Variants in PDHX observed in about 807,000 individuals in gnomAD.
PDHX encodes the protein pyruvate dehydrogenase protein X component, mitochondrial.
In PDHX, 33 loss-of-function variants were observed where a neutral mutation model predicts 55.3. That is an observed-to-expected ratio of 0.60 (90% CI 0.45 to 0.80). PDHX has a LOEUF of 0.80. Ranked by LOEUF, PDHX falls within the 30% of genes least tolerant of loss-of-function variation. The pLI is 0.00. For synonymous variants in PDHX, 226 were observed against 219.4 expected (o/e 1.03, Z -0.27); for missense variants, 622 against 619.9 (o/e 1.00, Z -0.04).
intron 1 of PDHX, among the ~76,000 whole-genome samples, chr11:34,918,839 G>A (rs886891170): frequency 1.3e-5 from 2 of 152,180 alleles, no homozygotes; most frequent in Non-Finnish European, 2.9e-5. Flanking sequence ...AGGTTTCTAA[G>A]ATTCTTTGAC....
chr11:34,965,344 T>A (rs1280636608), intron 5 of PDHX, among the ~76,000 whole-genome samples: 1 of 152,176 alleles, frequency 6.6e-6, no homozygotes, highest in African/African-American at 2.4e-5. Flanking sequence ...ATGCGTGGTC[T>A]CCATAGGCGG....
Position 34,957,592 on chromosome 11 carries a change from A to G in PDHX, c.542+9A>G, listed in dbSNP as rs781753447. The G allele has an allele frequency of 1.9e-6, 3 of 1,601,702 alleles. No individual in the cohort carries two copies. Among genetic ancestry groups the G allele is most frequent in the Admixed American group, 1.7e-5 (1 of 59,952 alleles). On this transcript the variant is annotated intron_variant, in intron 4 of 10. Coordinates refer to ENST00000227868, the MANE Select transcript of PDHX (RefSeq NM_003477.3). Reference sequence around the variant, plus strand: ...ATACCCGGGACACTACGGTGAGTATATATTTATTCAAAGGATGATGTAAAA... The same window carrying G: ...ATACCCGGGACACTACGGTGAGTATGTATTTATTCAAAGGATGATGTAAAA...
intron 9 of PDHX, among the ~76,000 whole-genome samples, chr11:34,986,422 A>G (rs1342459403): frequency 6.6e-6 from 1 of 152,076 alleles, no homozygotes; most frequent in Non-Finnish European, 1.5e-5. Flanking sequence ...AAGGGTTTTC[A>G]GCGACAATGA....
intron 8 of PDHX, among the ~76,000 whole-genome samples, chr11:34,979,280 G>C (rs749320140): frequency 3.9e-5 from 6 of 152,180 alleles, no homozygotes; most frequent in Non-Finnish European, 7.4e-5. Context: ...GAGCCTAACA[G>C]ATATTCCAGT....
At chr11:34,983,493 T>G (rs1170605022) in intron 8 of PDHX, among the ~76,000 whole-genome samples, 5 of 152,232 alleles carry the variant, frequency 3.3e-5, no homozygotes, top group Non-Finnish European at 7.3e-5. Context: ...TGTCCCTGTT[T>G]GCAGATGACA....
At chr11:34,991,007 C>G (rs985363721) in intron 9 of PDHX, among the ~76,000 whole-genome samples, 2 of 151,976 alleles carry the variant, frequency 1.3e-5, no homozygotes, top group African/African-American at 4.8e-5. Flanking sequence ...TAAGTTAATT[C>G]GTTATTAATT....
At position 34,995,088 on chromosome 11, in the gene PDHX, C is replaced by T. The variant is rs1419924616; in HGVS notation, c.1422C>T (p.Asp474=). ...RQLITVTMSS[D]SRVVDDELAT... Reference sequence around the variant, plus strand: ...TCATAACAGTCACAATGTCAAGTGACAGTCGAGTGGTTGATGACGAACTGG... The same window carrying T: ...TCATAACAGTCACAATGTCAAGTGATAGTCGAGTGGTTGATGACGAACTGG... The change falls in exon 11 of 11, where the codon GAC becomes GAT. Residue 474 remains aspartate, a synonymous_variant. Transcript: ENST00000227868. 6.2e-7 allele frequency: 1 copy of T among 1,614,036 alleles called. No individual in the cohort carries two copies. Among genetic ancestry groups the T allele is most frequent in the South Asian group, 1.1e-5 (1 of 91,086 alleles).
At chr11:34,937,814 G>T (rs1219331789) in intron 2 of PDHX, among the ~76,000 whole-genome samples, 1 of 152,088 alleles carries the variant, frequency 6.6e-6, no homozygotes, top group African/African-American at 2.4e-5. Context: ...CGCCTCCCTG[G>T]GTTACCTGGT....
chr11:34,958,930 C>A (rs1396054727), intron 4 of PDHX, among the ~76,000 whole-genome samples: 1 of 151,992 alleles, frequency 6.6e-6, no homozygotes, highest in East Asian at 1.9e-4. Context: ...ATATAAAAAT[C>A]TAAAATTTCA....
chr11:34,960,107 A>T (rs1854992111), intron 4 of PDHX, among the ~76,000 whole-genome samples: 3 of 152,228 alleles, frequency 2.0e-5, no homozygotes, highest in Admixed American at 2.0e-4. Flanking sequence ...AAAATATACG[A>T]AGGAAACAAT....
At chr11:34,947,633 A>T in intron 3 of PDHX, 27 bp downstream of exon 3, 1 of 1,430,234 alleles carries the variant, frequency 7.0e-7, no homozygotes. Flanking sequence ...ATTTTCTTCA[A>T]CAGGATGAAG....
At chr11:34,932,747 C>T (rs956263489) in intron 2 of PDHX, among the ~76,000 whole-genome samples, 1 of 152,136 alleles carries the variant, frequency 6.6e-6, no homozygotes, top group Non-Finnish European at 1.5e-5. Context: ...GGATTTGTCT[C>T]AGTGTTACAC....
At chr11:34,925,826 A>G (rs1393501969) in intron 1 of PDHX, among the ~76,000 whole-genome samples, 1 of 152,192 alleles carries the variant, frequency 6.6e-6, no homozygotes, top group African/African-American at 2.4e-5. Flanking sequence ...GCTCAAAGGA[A>G]TGTTCATTGT....
At chr11:34,952,703 A>T (rs2133968315) in intron 3 of PDHX, among the ~76,000 whole-genome samples, 1 of 151,476 alleles carries the variant, frequency 6.6e-6, no homozygotes, top group African/African-American at 2.4e-5. Context: ...AAATAATAAG[A>T]GCTATCTATG....
At chr11:34,942,041 C>G (rs919004757) in intron 2 of PDHX, 1 of 152,568 alleles carries the variant, frequency 6.6e-6, no homozygotes, top group South Asian at 2.1e-4. Flanking sequence ...TGTCATCTCA[C>G]GCTGTCCAGG....
chr11:34,922,467 A>T (rs1010013663), intron 1 of PDHX, among the ~76,000 whole-genome samples: 1 of 152,334 alleles, frequency 6.6e-6, no homozygotes, highest in Admixed American at 6.5e-5. Context: ...TCTGACACCA[A>T]TGCCTGTTTC....
intron 3 of PDHX, among the ~76,000 whole-genome samples, chr11:34,954,713 TAAC>T: frequency 6.6e-6 from 1 of 152,122 alleles, no homozygotes; most frequent in Non-Finnish European, 1.5e-5. Flanking sequence ...ACCACAGCAA[TAAC>T]AACAGCAATA....
At chr11:34,954,613 TA>T (rs948269901) in intron 3 of PDHX, among the ~76,000 whole-genome samples, 11 of 152,348 alleles carry the variant, frequency 7.2e-5, no homozygotes, top group African/African-American at 2.6e-4. Flanking sequence ...CATGAATTTC[TA>T]ACCCATACCA....
At chr11:34,978,832 A>G (rs975893201) in intron 8 of PDHX, among the ~76,000 whole-genome samples, 12 of 152,190 alleles carry the variant, frequency 7.9e-5, no homozygotes, top group Non-Finnish European at 1.5e-4. Context: ...CTTGTTGGAC[A>G]TGGTGAGGAC....
Sources: gnomAD v4.1 joint callset for allele counts (sites outside exome capture counted in the v4.1 genomes callset) on GRCh38, gnomAD v4.1.1 for gene constraint, MANE v1.5 for transcripts, NCBI Gene and HGNC (gene_info 2026-07-23, HGNC 2026-07-21) for gene names.